FOXO1: variants seen among roughly 807,000 people sequenced by gnomAD.
The protein encoded by FOXO1 is forkhead box O1, also known as forkhead box protein O1.
FOXO1 carries 6 observed loss-of-function variants against 44.1 expected under a neutral mutation model. That is an observed-to-expected ratio of 0.14 (90% CI 0.07 to 0.27). The LOEUF (loss-of-function observed/expected upper bound fraction) is 0.27, where lower values mean the gene tolerates loss of function less well. FOXO1 is among the 10% of genes least tolerant of loss of function. The pLI, the probability that FOXO1 is intolerant of heterozygous loss-of-function variation, is 1.00. For synonymous variants in FOXO1, 380 were observed against 362.7 expected (o/e 1.05, Z -0.54); for missense variants, 737 against 888.8 (o/e 0.83, Z 2.17).
At chr13:40,638,425 C>A (rs77563600) in intron 1 of FOXO1, among the ~76,000 whole-genome samples, 1 of 152,098 alleles carries the variant, frequency 6.6e-6, no homozygotes, top group East Asian at 1.9e-4. Context: ...TTTTAAATGT[C>A]TGTTTCATTC....
intron 1 of FOXO1, among the ~76,000 whole-genome samples, chr13:40,609,135 A>G (rs1230678242): frequency 1.3e-5 from 2 of 152,166 alleles, no homozygotes; most frequent in Admixed American, 1.3e-4. Context: ...AAAACTACTC[A>G]AATTTAATTA....
At chr13:40,568,006 C>A (rs565629229) in intron 1 of FOXO1, among the ~76,000 whole-genome samples, 1 of 152,086 alleles carries the variant, frequency 6.6e-6, no homozygotes, top group Non-Finnish European at 1.5e-5. Context: ...TGCTCTTATT[C>A]TAGTGGGTTC....
At chr13:40,656,134 T>C (rs996815182) in intron 1 of FOXO1, among the ~76,000 whole-genome samples, 22 of 152,242 alleles carry the variant, frequency 1.4e-4, no homozygotes, top group Admixed American at 1.4e-3. Context: ...AGTTTTGCAT[T>C]TGGCCTATCC....
intron 1 of FOXO1, among the ~76,000 whole-genome samples, chr13:40,584,469 CAAAAAAAAAAAAAAAAAAAAA>C (rs55733141): frequency 1.6e-5 from 1 of 63,130 alleles, no homozygotes; most frequent in Non-Finnish European, 2.6e-5. Context: ...ACAAAAAATG[CAAAAAAAAAAAAAAAAAAAAA>C]AAAAAAAAAA....
At chr13:40,646,716 C>T (rs1195356161) in intron 1 of FOXO1, among the ~76,000 whole-genome samples, 1 of 152,218 alleles carries the variant, frequency 6.6e-6, no homozygotes, top group East Asian at 1.9e-4. Context: ...GCTTCAGCCT[C>T]CCAAGTAGCC....
chr13:40,560,100 T>C lies in FOXO1; in HGVS notation c.1391A>G (p.Glu464Gly), dbSNP rs1873932180. The C allele has an allele frequency of 1.9e-6, 3 of 1,614,022 alleles. No individual in the cohort carries two copies. In the African/African-American group the frequency reaches 4.0e-5, roughly 22 times the overall value. ...GGGAGGAGAGTCAGAAGTCAGCAAC[T>C]CCTTCAAGAGTCCAGGCGCACAGTT... ...QYNCAPGLLK[E>G]LLTSDSPPHN... The change falls in exon 2 of 3, where the codon GAG becomes GGG. Residue 464 changes from glutamate to glycine, a missense_variant. Transcript: ENST00000379561. This position sits in a 1 kb window ranked among gnomAD's most constrained non-coding sequence, Gnocchi z 5.1.
At chr13:40,619,089 G>A (rs1476979626) in intron 1 of FOXO1, 1 of 414,906 alleles carries the variant, frequency 2.4e-6, no homozygotes, top group African/African-American at 2.1e-5. Flanking sequence ...TTCAAGACCA[G>A]CCTGGCCAAC....
chr13:40,617,688 G>A (rs1231789014), intron 1 of FOXO1, among the ~76,000 whole-genome samples: 1 of 152,012 alleles, frequency 6.6e-6, no homozygotes, highest in Non-Finnish European at 1.5e-5. Flanking sequence ...TACCAAACAT[G>A]TTGGGGGGAA....
intron 1 of FOXO1, among the ~76,000 whole-genome samples, chr13:40,569,076 AC>A (rs1186506628): frequency 6.6e-6 from 1 of 152,238 alleles, no homozygotes; most frequent in Non-Finnish European, 1.5e-5. Flanking sequence ...ATTTAGTTAC[AC>A]AGCTTTATCT....
chr13:40,661,672 G>A (rs560357729), intron 1 of FOXO1, among the ~76,000 whole-genome samples: 7 of 152,030 alleles, frequency 4.6e-5, no homozygotes, highest in Non-Finnish European at 1.0e-4. Flanking sequence ...CTAACCACTC[G>A]GTCTCACCAG....
At chr13:40,592,584 A>C (rs968777092) in intron 1 of FOXO1, among the ~76,000 whole-genome samples, 3 of 152,328 alleles carry the variant, frequency 2.0e-5, no homozygotes, top group African/African-American at 7.2e-5. Context: ...GAGGAACACA[A>C]CCAGAACTAC....
intron 1 of FOXO1, among the ~76,000 whole-genome samples, chr13:40,581,003 G>A (rs1874935583): frequency 6.6e-6 from 1 of 152,180 alleles, no homozygotes; most frequent in African/African-American, 2.4e-5. Flanking sequence ...GTTATGGTCA[G>A]GGCAACAACA....
chr13:40,664,131 G>A (rs1219515799), intron 1 of FOXO1, among the ~76,000 whole-genome samples: 2 of 152,162 alleles, frequency 1.3e-5, no homozygotes. Context: ...AAATTAGCTC[G>A]ACGTGGTGGC....
At chr13:40,640,399 C>G (rs1877308362) in intron 1 of FOXO1, among the ~76,000 whole-genome samples, 1 of 152,236 alleles carries the variant, frequency 6.6e-6, no homozygotes, top group South Asian at 2.1e-4. Context: ...CTCTCTCTCT[C>G]TAAGTATCGT....
chr13:40,644,478 T>C (rs1877451469), intron 1 of FOXO1, among the ~76,000 whole-genome samples: 1 of 151,924 alleles, frequency 6.6e-6, no homozygotes, highest in South Asian at 2.1e-4. Flanking sequence ...AAGCCAGAGA[T>C]AGAGTAAAAG....
chr13:40,612,706 G>C (rs1263931287), intron 1 of FOXO1, among the ~76,000 whole-genome samples: 2 of 152,170 alleles, frequency 1.3e-5, no homozygotes, highest in Non-Finnish European at 2.9e-5. Flanking sequence ...TTTTGAGAGA[G>C]AGAGAAACCA....
At position 40,609,715 on chromosome 13, in the gene FOXO1, GA is replaced by G. The variant is rs200151924; in HGVS notation, c.631-48856del. Among the ~76,000 whole-genome samples, 377 of 152,110 alleles carry G rather than the reference GA, an allele frequency of 2.5e-3. 6 individuals are homozygous for G. The highest frequency in any genetic ancestry group is 0.021 in the East Asian group (111 of 5,176). On this transcript the variant is annotated intron_variant, in intron 1 of 2. Coordinates refer to ENST00000379561, the MANE Select transcript of FOXO1 (RefSeq NM_002015.4). ...TAAAGAAATTCTTCAGGGTGGGGGG[GA>G]AAAAAATTCCTCAAGGCCCAGGATT...
chr13:40,575,909 T>C (rs1254164868), intron 1 of FOXO1, among the ~76,000 whole-genome samples: 1 of 152,182 alleles, frequency 6.6e-6, no homozygotes, highest in Non-Finnish European at 1.5e-5. Flanking sequence ...ATGGGAATTC[T>C]TGAGGTAGGG....
At chr13:40,601,431 A>G (rs1442785029) in intron 1 of FOXO1, among the ~76,000 whole-genome samples, 1 of 152,236 alleles carries the variant, frequency 6.6e-6, no homozygotes, top group Non-Finnish European at 1.5e-5. Context: ...CATAGAAAAC[A>G]AAGTGGAAGC....
Sources: allele counts gnomAD v4.1 joint callset (sites outside exome capture counted in the v4.1 genomes callset), GRCh38; gene constraint gnomAD v4.1.1; non-coding constraint Gnocchi (gnomAD v3.1); transcripts MANE v1.5; gene names NCBI Gene and HGNC (gene_info 2026-07-23, HGNC 2026-07-21).